GPC6: variants seen among roughly 807,000 people sequenced by gnomAD.
GPC6 encodes the protein glypican-6.
Under a neutral mutation model 55.2 loss-of-function variants are expected in GPC6, and 14 were observed. The ratio of observed to expected loss-of-function variants is 0.25; its 90% CI spans 0.17 to 0.40. GPC6 has a LOEUF of 0.40. GPC6 is among the 10% of genes least tolerant of loss of function. GPC6 has a pLI of 1.00. For synonymous variants in GPC6, 278 were observed against 259.6 expected, an observed-to-expected ratio of 1.07 and a Z score of -0.68; for missense variants, 641 against 708.5, an observed-to-expected ratio of 0.90 and a Z score of 1.08.
chr13:93,853,355 G>A (rs1888478215), intron 3 of GPC6, among the ~76,000 whole-genome samples: 1 of 151,564 alleles, frequency 6.6e-6, no homozygotes, highest in African/African-American at 2.4e-5. Flanking sequence ...AGAAAAATCA[G>A]TTTATTATCA....
At chr13:93,465,531 T>C (rs1414300396) in intron 1 of GPC6, among the ~76,000 whole-genome samples, 1 of 152,216 alleles carries the variant, frequency 6.6e-6, no homozygotes, top group Non-Finnish European at 1.5e-5. Flanking sequence ...CAAACTTTTT[T>C]TCTGCAGCTT....
chr13:93,477,077 C>T (rs1044386755), intron 1 of GPC6, among the ~76,000 whole-genome samples: 2 of 152,130 alleles, frequency 1.3e-5, no homozygotes, highest in Admixed American at 1.3e-4. Context: ...TGAAAAACAC[C>T]TCCATTGTTC....
At chr13:94,277,906 T>C (rs1282112789) in intron 4 of GPC6, among the ~76,000 whole-genome samples, 1 of 151,392 alleles carries the variant, frequency 6.6e-6, no homozygotes, top group Non-Finnish European at 1.5e-5. Flanking sequence ...GTTCTTGTTC[T>C]TTGTCTTGGA....
intron 2 of GPC6, among the ~76,000 whole-genome samples, chr13:93,612,500 AACACACACACACACACACACAC>A (rs3138575): frequency 7.2e-6 from 1 of 139,296 alleles, no homozygotes; most frequent in Admixed American, 7.2e-5. Context: ...CTCCGTCTAA[AACACACACACACACACACACAC>A]ACACACACAC....
chr13:93,229,590 G>A (rs1316636267), intron 1 of GPC6, among the ~76,000 whole-genome samples: 1 of 152,084 alleles, frequency 6.6e-6, no homozygotes, highest in African/African-American at 2.4e-5. Context: ...ATTCCCAGGG[G>A]TTCATGTAAA....
intron 4 of GPC6, among the ~76,000 whole-genome samples, chr13:94,258,924 A>G (rs926523798): frequency 1.3e-5 from 2 of 152,198 alleles, no homozygotes; most frequent in African/African-American, 4.8e-5. Flanking sequence ...CAGAGATGTA[A>G]CAAGGGTGGG....
chr13:93,602,980 CTTTTTCTTTTTTCT>C (rs148469064), intron 2 of GPC6, among the ~76,000 whole-genome samples: 1 of 151,280 alleles, frequency 6.6e-6, no homozygotes, highest in African/African-American at 2.4e-5. Flanking sequence ...GTATTATTTC[CTTTTTCTTTTTTCT>C]TTTTTCTTTT....
At chr13:93,648,275 A>G (rs1366209866) in intron 2 of GPC6, among the ~76,000 whole-genome samples, 1 of 152,180 alleles carries the variant, frequency 6.6e-6, no homozygotes, top group Non-Finnish European at 1.5e-5. Context: ...AATCACATAT[A>G]ATACAGGTGT....
chr13:93,911,886 G>T (rs1276263333), intron 3 of GPC6, among the ~76,000 whole-genome samples: 3 of 152,228 alleles, frequency 2.0e-5, no homozygotes, highest in Non-Finnish European at 2.9e-5. Flanking sequence ...TGGGTCAAAT[G>T]AGAACAGTAT....
intron 4 of GPC6, among the ~76,000 whole-genome samples, chr13:94,156,292 G>T (rs1436489549): frequency 6.6e-6 from 1 of 152,106 alleles, no homozygotes; most frequent in Non-Finnish European, 1.5e-5. Flanking sequence ...TACTTTTTAA[G>T]CAGATCCTTC....
chr13:94,111,473 TA>T (rs1886244289), intron 4 of GPC6, among the ~76,000 whole-genome samples: 1 of 144,440 alleles, frequency 6.9e-6, no homozygotes. Context: ...TTAAAGTAAA[TA>T]TAATAATAAT....
chr13:93,579,438 A>G (rs1876831281), intron 2 of GPC6, among the ~76,000 whole-genome samples: 2 of 152,026 alleles, frequency 1.3e-5, no homozygotes, highest in South Asian at 4.1e-4. Context: ...AAAGAAGAAG[A>G]AGGAGGAGAA....
At chr13:93,813,522 T>A (rs908865610) in intron 2 of GPC6, among the ~76,000 whole-genome samples, 6 of 152,308 alleles carry the variant, frequency 3.9e-5, no homozygotes, top group Admixed American at 3.9e-4. Context: ...GCTAAACATT[T>A]TATCTTAAAG....
chr13:93,709,679 A>T (rs1294350153), intron 2 of GPC6, among the ~76,000 whole-genome samples: 1 of 151,786 alleles, frequency 6.6e-6, no homozygotes, highest in Non-Finnish European at 1.5e-5. Flanking sequence ...TTGGTGTTTC[A>T]TCATTATTGG....
chr13:93,375,887 G>A lies in GPC6; in HGVS notation c.160+148271G>A, dbSNP rs145612541. Reference sequence around the variant, plus strand: ...CTAAAGCAAGAGGAAAATATATAACGGAGGAACCTCAGGATCTTTTCTGTT... The same window carrying A: ...CTAAAGCAAGAGGAAAATATATAACAGAGGAACCTCAGGATCTTTTCTGTT... On this transcript the variant is annotated intron_variant, in intron 1 of 8. Transcript: ENST00000377047. Among the ~76,000 whole-genome samples the A allele has an allele frequency of 2.6e-5, 4 of 152,188 alleles. No individual in the cohort carries two copies. In the East Asian group the frequency reaches 5.8e-4, roughly 22 times the overall value.
At position 93,460,105 on chromosome 13, in the gene GPC6, G is replaced by A. The variant is rs187224109; in HGVS notation, c.161-85158G>A. Reference sequence around the variant, plus strand: ...GGCACCTTTCTGACAGTAATATCTAGCTGGCTTCCATACAAAATTCTGTCT... The same window carrying A: ...GGCACCTTTCTGACAGTAATATCTAACTGGCTTCCATACAAAATTCTGTCT... On this transcript the variant is annotated intron_variant, in intron 1 of 8. Transcript: ENST00000377047. Among the ~76,000 whole-genome samples the A allele has an allele frequency of 6.6e-5, 10 of 152,242 alleles. No homozygotes were observed. In the East Asian group the frequency reaches 1.9e-3, roughly 29 times the overall value.
chr13:93,743,128 AGCAACAGG>A (rs1341939436), intron 2 of GPC6, among the ~76,000 whole-genome samples: 1 of 152,190 alleles, frequency 6.6e-6, no homozygotes, highest in African/African-American at 2.4e-5. Context: ...GTCTATCATG[AGCAACAGG>A]GCCCAGAGAT....
At chr13:94,177,204 A>G (rs1273532705) in intron 4 of GPC6, among the ~76,000 whole-genome samples, 1 of 152,218 alleles carries the variant, frequency 6.6e-6, no homozygotes, top group Non-Finnish European at 1.5e-5. Context: ...AAATTTCAAC[A>G]TGTAAGAGAA....
chr13:93,755,657 G>A (rs1351944389), intron 2 of GPC6, among the ~76,000 whole-genome samples: 2 of 152,130 alleles, frequency 1.3e-5, no homozygotes, highest in African/African-American at 4.8e-5. Context: ...CTGCTAAAAG[G>A]GTTAAAAAGA....
Sources: gnomAD v4.1 joint callset for allele counts (sites outside exome capture counted in the v4.1 genomes callset) on GRCh38, gnomAD v4.1.1 for gene constraint, MANE v1.5 for transcripts, NCBI Gene and HGNC (gene_info 2026-07-23, HGNC 2026-07-21) for gene names.